Variants in PLXDC2 observed in about 807,000 individuals in gnomAD.
The protein encoded by PLXDC2 is plexin domain-containing protein 2.
A neutral mutation model predicts 68.9 loss-of-function variants in PLXDC2; 40 were observed. The ratio of observed to expected loss-of-function variants is 0.58; its 90% confidence interval spans 0.45 to 0.76. PLXDC2 has a LOEUF of 0.76. PLXDC2 is among the 30% of genes least tolerant of loss of function. The pLI is 0.00. For missense variants in PLXDC2, 644 were observed against 661.9 expected (o/e 0.97, Z 0.30); for synonymous variants, 243 against 234.2 (o/e 1.04, Z -0.34).
At chr10:20,125,396 T>G (rs1564324323) in intron 4 of PLXDC2, among the ~76,000 whole-genome samples, 1 of 151,932 alleles carries the variant, frequency 6.6e-6, no homozygotes, top group Non-Finnish European at 1.5e-5. Flanking sequence ...GTAGAACTGA[T>G]TGAAAGCTTG....
Position 20,046,872 on chromosome 10 carries a change from G to T in PLXDC2, c.328G>T (p.Asp110Tyr). ...ACATTATTATCTATTATTGCAGGAG[G>T]ATACAGACCACAATTACTATATATC... ...GQDNNTQIEEDTDHNYYISRI... is the reference protein window; with the variant it reads ...GQDNNTQIEEYTDHNYYISRI... The change falls in exon 3 of 14, where the codon GAT (aspartate) becomes TAT (tyrosine). Residue 110 changes from aspartate to tyrosine, a missense_variant. By Grantham distance (160) the Asp-to-Tyr change is radical. This residue lies in a region of PLXDC2 where 201 missense variants were observed against 166.9 expected (regional missense o/e 1.20). Coordinates refer to ENST00000377252, the MANE Select transcript of PLXDC2 (RefSeq NM_032812.9). 6.2e-7 allele frequency: 1 copy of T among 1,604,172 alleles called. No individual in the cohort carries two copies.
chr10:20,240,678 C>T (rs1041205491), intron 12 of PLXDC2, among the ~76,000 whole-genome samples: 1 of 125,666 alleles, frequency 8.0e-6, no homozygotes, highest in African/African-American at 3.1e-5. Context: ...GATGCTTGTA[C>T]TGTGTAGGAA....
At chr10:20,065,509 G>A (rs949495472) in intron 3 of PLXDC2, among the ~76,000 whole-genome samples, 2 of 152,116 alleles carry the variant, frequency 1.3e-5, no homozygotes, top group African/African-American at 2.4e-5. Flanking sequence ...GGAGGGGATG[G>A]TTTTGGGATG....
chr10:20,187,385 G>A (rs926976472), intron 9 of PLXDC2, among the ~76,000 whole-genome samples: 1 of 151,262 alleles, frequency 6.6e-6, no homozygotes, highest in Non-Finnish European at 1.5e-5. Context: ...ACATTTATAG[G>A]GTACAGTGTG....
intron 1 of PLXDC2, among the ~76,000 whole-genome samples, chr10:19,915,977 C>T (rs1833358636): frequency 6.6e-6 from 1 of 152,004 alleles, no homozygotes; most frequent in Non-Finnish European, 1.5e-5. Context: ...CAGCTCAAGC[C>T]TAACAGCCAG....
intron 6 of PLXDC2, among the ~76,000 whole-genome samples, chr10:20,153,249 C>T (rs936508268): frequency 6.6e-6 from 1 of 152,120 alleles, no homozygotes; most frequent in Non-Finnish European, 1.5e-5. Context: ...TCAAGGATAT[C>T]AAAATGAACC....
intron 5 of PLXDC2, among the ~76,000 whole-genome samples, chr10:20,147,106 C>A (rs952397062): frequency 1.3e-5 from 2 of 152,018 alleles, no homozygotes; most frequent in Non-Finnish European, 2.9e-5. Flanking sequence ...TTATTTCATG[C>A]CCAATCGTTT....
At chr10:19,909,656 A>G (rs1833229685) in intron 1 of PLXDC2, among the ~76,000 whole-genome samples, 1 of 152,244 alleles carries the variant, frequency 6.6e-6, no homozygotes, top group African/African-American at 2.4e-5. Flanking sequence ...TTAAAGCAGT[A>G]TTCAGTGTAG....
At chr10:19,854,518 C>T (rs560060431) in intron 1 of PLXDC2, among the ~76,000 whole-genome samples, 169 of 152,300 alleles carry the variant, frequency 1.1e-3, no homozygotes, top group Non-Finnish European at 1.7e-3. Context: ...AGCTGCTATA[C>T]ACAGGACAGT....
chr10:19,970,438 G>T (rs191977101), intron 1 of PLXDC2, among the ~76,000 whole-genome samples: 2 of 152,246 alleles, frequency 1.3e-5, no homozygotes, highest in East Asian at 3.9e-4. Flanking sequence ...GACAGTGAAT[G>T]CCTTCCTGTG....
chr10:20,234,565 C>T (rs1006282844), intron 12 of PLXDC2, among the ~76,000 whole-genome samples: 101 of 151,644 alleles, frequency 6.7e-4, no homozygotes, highest in African/African-American at 2.4e-3. Flanking sequence ...TCTTTCTGTC[C>T]TATGTGGCAC....
At chr10:19,994,274 TTTA>T (rs775918093) in intron 1 of PLXDC2, among the ~76,000 whole-genome samples, 7,009 of 132,320 alleles carry the variant, frequency 0.053, 353 homozygotes, top group Non-Finnish European at 0.088. Context: ...TTTTTTTTTT[TTTA>T]ACCATTTTCT....
intron 2 of PLXDC2, among the ~76,000 whole-genome samples, chr10:20,039,415 G>C (rs191424835): frequency 4.6e-5 from 7 of 152,182 alleles, no homozygotes; most frequent in Admixed American, 3.3e-4. Context: ...TTAAGTTATC[G>C]AAGCTGGTAT....
At chr10:20,219,147 A>C (rs373949029) in intron 12 of PLXDC2, 45 bp downstream of exon 12, 16 of 1,556,738 alleles carry the variant, frequency 1.0e-5, no homozygotes, top group Non-Finnish European at 1.2e-5. Flanking sequence ...TTAAATATGA[A>C]TTCATTTCAT....
At chr10:20,269,464 G>T (rs1835909088) in intron 13 of PLXDC2, among the ~76,000 whole-genome samples, 1 of 152,160 alleles carries the variant, frequency 6.6e-6, no homozygotes, top group Non-Finnish European at 1.5e-5. Flanking sequence ...TTTGTGCAGG[G>T]TTTTGAAAGG....
intron 1 of PLXDC2, among the ~76,000 whole-genome samples, chr10:19,854,353 G>C (rs962761818): frequency 3.3e-5 from 5 of 152,178 alleles, no homozygotes; most frequent in Non-Finnish European, 7.3e-5. Context: ...AAAAGTCCTA[G>C]ATATGTTGTT....
intron 13 of PLXDC2, among the ~76,000 whole-genome samples, chr10:20,259,454 A>G (rs1040629659): frequency 2.6e-5 from 4 of 151,978 alleles, no homozygotes; most frequent in Non-Finnish European, 5.9e-5. Flanking sequence ...TAAAAACAGA[A>G]CCATTAGGCA....
chr10:20,104,136 G>C (rs1833459733), intron 4 of PLXDC2, among the ~76,000 whole-genome samples: 1 of 152,170 alleles, frequency 6.6e-6, no homozygotes, highest in East Asian at 1.9e-4. Context: ...TGGTAGATTT[G>C]AGGAGAGATG....
At chr10:19,997,606 T>C (rs1441702891) in intron 1 of PLXDC2, among the ~76,000 whole-genome samples, 2 of 152,236 alleles carry the variant, frequency 1.3e-5, no homozygotes, top group African/African-American at 4.8e-5. Flanking sequence ...AAATGCAAGA[T>C]ATTTTAATAA....
Sources: allele counts gnomAD v4.1 joint callset (sites outside exome capture counted in the v4.1 genomes callset), GRCh38; gene constraint gnomAD v4.1.1; regional missense constraint gnomAD v4.1.1; transcripts MANE v1.5; gene names NCBI Gene and HGNC (gene_info 2026-07-23, HGNC 2026-07-21).